Variants in TOR1AIP1 observed in about 807,000 individuals in gnomAD.
The protein encoded by TOR1AIP1 is torsin 1A interacting protein 1.
TOR1AIP1 carries 54 observed loss-of-function variants against 63.3 expected under a neutral mutation model. That is an observed-to-expected ratio of 0.85 (90% confidence interval 0.69 to 1.07). TOR1AIP1 has a LOEUF of 1.07. TOR1AIP1 is among the 50% of genes least tolerant of loss of function. TOR1AIP1 has a pLI of 0.00. For missense variants in TOR1AIP1, 736 were observed against 715.0 expected (o/e 1.03, Z -0.33); for synonymous variants, 294 against 273.5 (o/e 1.07, Z -0.74).
In TOR1AIP1 at chr1:179,889,482, C is replaced by T. The variant is rs762531559; in HGVS notation, c.610+113C>T. 3 of 848,544 alleles carry T rather than the reference C, an allele frequency of 3.5e-6. No homozygotes were observed. The East Asian group carries it at 8.3e-5, about 24-fold the overall frequency. 52.6% of individuals were successfully genotyped at this position (848,544 alleles called of 1,614,324 possible). A position where few individuals can be genotyped will look rare whatever the true frequency, so the allele number is the denominator to read the frequency against. On this transcript the variant is annotated intron_variant, in intron 3 of 9. Coordinates refer to ENST00000606911, the MANE Select transcript of TOR1AIP1 (RefSeq NM_015602.4). ...GAACTTAAAAGTTACTGTAAATATA[C>T]ATTAAAAAATCTCCCTGTCCCCTCT...
intron 5 of TOR1AIP1, among the ~76,000 whole-genome samples, chr1:179,902,583 CTG>C (rs1402029508): frequency 1.3e-5 from 2 of 152,094 alleles, no homozygotes; most frequent in East Asian, 3.9e-4. Flanking sequence ...ATTTGGTATT[CTG>C]TGTGTTTCCC....
chr1:179,911,816 G>A (rs1450447218), intron 8 of TOR1AIP1, among the ~76,000 whole-genome samples: 1 of 152,004 alleles, frequency 6.6e-6, no homozygotes, highest in Non-Finnish European at 1.5e-5. Flanking sequence ...ATTTTTTAAA[G>A]TCTAAAATCT....
At chr1:179,911,654 A>G (rs1571737172) in intron 8 of TOR1AIP1, among the ~76,000 whole-genome samples, 2 of 152,382 alleles carry the variant, frequency 1.3e-5, no homozygotes, top group Admixed American at 1.3e-4. Context: ...ATTTGGAGTT[A>G]AAGCTCTTGA....
intron 8 of TOR1AIP1, among the ~76,000 whole-genome samples, chr1:179,910,331 A>G (rs1025705544): frequency 9.2e-5 from 14 of 152,280 alleles, no homozygotes; most frequent in East Asian, 1.9e-4. Flanking sequence ...AAAAATCCAC[A>G]TCTTATATCT....
intron 5 of TOR1AIP1, 45 bp from the exon 6 acceptor site, chr1:179,903,921 T>A (rs766705919): frequency 1.4e-5 from 19 of 1,364,710 alleles, no homozygotes; most frequent in Non-Finnish European, 2.0e-5. Flanking sequence ...ATGTACAGTC[T>A]AAAAGTTGGA....
rs1335230349 is a variant in TOR1AIP1, at chr1:179,919,007, G to C, written c.*768G>C. 1.3e-5 allele frequency: 2 copies of C among 152,036 alleles called. No homozygotes were observed. The highest frequency in any genetic ancestry group is 2.9e-5 in the Non-Finnish European group (2 of 68,016). The allele number at this position is 152,036 out of a possible 1,614,324, so 9.4% of individuals were successfully genotyped here. A position where few individuals can be genotyped will look rare whatever the true frequency, so the allele number is the denominator to read the frequency against. ...CAAAATTTAATATATTTGTTCACTT[G>C]AGTCTTAAGAGTAGGTCAGGCCAAG... On this transcript the variant is annotated 3_prime_UTR_variant, in exon 10 of 10. Coordinates refer to ENST00000606911, the MANE Select transcript of TOR1AIP1 (RefSeq NM_015602.4).
intron 3 of TOR1AIP1, among the ~76,000 whole-genome samples, chr1:179,891,672 TCTC>T (rs1648086727): frequency 6.6e-6 from 1 of 152,062 alleles, no homozygotes; most frequent in Non-Finnish European, 1.5e-5. Flanking sequence ...TTCAAGTGAT[TCTC>T]CTGCCTCAGC....
At chr1:179,887,195 C>T (rs1012521314) in intron 2 of TOR1AIP1, among the ~76,000 whole-genome samples, 21 of 151,488 alleles carry the variant, frequency 1.4e-4, no homozygotes, top group Non-Finnish European at 3.0e-4. Context: ...GTCAGGAGTT[C>T]GAGACCAGCC....
chr1:179,888,375 A>G (rs1031636089), intron 2 of TOR1AIP1, among the ~76,000 whole-genome samples: 2 of 152,154 alleles, frequency 1.3e-5, no homozygotes, highest in African/African-American at 2.4e-5. Flanking sequence ...GACTCAAGCT[A>G]TCATCCTCCT....
At chr1:179,916,189 C>T (rs561528150) in intron 9 of TOR1AIP1, among the ~76,000 whole-genome samples, 109 of 152,308 alleles carry the variant, frequency 7.2e-4, no homozygotes, top group Non-Finnish European at 1.2e-3. Context: ...TACACTCGTA[C>T]AGTTTGGTGC....
chr1:179,896,058 C>T (rs566948015), intron 3 of TOR1AIP1, among the ~76,000 whole-genome samples: 2 of 152,298 alleles, frequency 1.3e-5, no homozygotes, highest in South Asian at 4.1e-4. Flanking sequence ...ACTGATTCAT[C>T]ATCAGATCGC....
intron 8 of TOR1AIP1, among the ~76,000 whole-genome samples, chr1:179,910,663 A>G (rs1189178369): frequency 3.3e-5 from 5 of 152,226 alleles, no homozygotes; most frequent in Non-Finnish European, 5.9e-5. Context: ...TATAACCAGG[A>G]TCAAACATTA....
chr1:179,887,929 G>A (rs1311197716), intron 2 of TOR1AIP1: 1 of 152,224 alleles, frequency 6.6e-6, no homozygotes, highest in African/African-American at 2.4e-5. Flanking sequence ...AACAAAAGCA[G>A]ACAAGTGAGG....
chr1:179,900,397 T>C (rs1237733526), intron 4 of TOR1AIP1: 6 of 300,728 alleles, frequency 2.0e-5, no homozygotes, highest in Middle Eastern at 1.0e-3. Context: ...TTGGCTTCAA[T>C]ATGGTGACCT....
rs1265158585 is a variant in TOR1AIP1, at chr1:179,919,147, C to G, written c.*908C>G. On this transcript the variant is annotated 3_prime_UTR_variant, in exon 10 of 10. Coordinates refer to ENST00000606911, the MANE Select transcript of TOR1AIP1 (RefSeq NM_015602.4). ...GGCGTGGTGGTGCATGCCTGAAATC[C>G]CAGCTACTTGGGAGGCTGAGGCAGG... 6.6e-6 allele frequency: 1 copy of G among 152,120 alleles called. No individual in the cohort carries two copies. The highest frequency in any genetic ancestry group is 1.5e-5 in the Non-Finnish European group (1 of 68,138). The allele number at this position is 152,120 out of a possible 1,614,324, so 9.4% of individuals were successfully genotyped here. A position where few individuals can be genotyped will look rare whatever the true frequency, so the allele number is the denominator to read the frequency against.
Position 179,882,567 on chromosome 1 carries a change from G to A in TOR1AIP1, c.65G>A (p.Arg22Lys), listed in dbSNP as rs963791878. ...GGATGGGGTGTGTACGTCACCCCCA[G>A]GGCCCCCATCCGAGAGGGAAGGGGC... is the stretch of plus-strand genomic sequence containing the variant. ...REGWGVYVTP[R>K]APIREGRGRL... Residue 22 changes from arginine to lysine, a missense_variant, in exon 1 of 10, where the codon AGG becomes AAG. Coordinates refer to ENST00000606911, the MANE Select transcript of TOR1AIP1 (RefSeq NM_015602.4). The A allele has an allele frequency of 1.1e-5, 16 of 1,514,156 alleles. No homozygotes were observed. The highest frequency in any genetic ancestry group is 1.3e-5 in the South Asian group (1 of 74,444). The allele number at this position is 1,514,156 out of a possible 1,614,324, so 93.8% of individuals were successfully genotyped here. A position where few individuals can be genotyped will look rare whatever the true frequency, so the allele number is the denominator to read the frequency against.
intron 5 of TOR1AIP1, among the ~76,000 whole-genome samples, chr1:179,902,148 C>T (rs552627323): frequency 2.6e-4 from 39 of 151,202 alleles, no homozygotes; most frequent in Non-Finnish European, 8.8e-5. Context: ...GCCTCAGCCC[C>T]CCAAGCAGGT....
At position 179,884,573 on chromosome 1, in the gene TOR1AIP1, C is replaced by G. The variant is rs139421214; in HGVS notation, c.476-119C>G. The G allele has an allele frequency of 3.8e-4, 306 of 794,972 alleles. 2 individuals are homozygous for G. Among genetic ancestry groups the G allele is most frequent in the African/African-American group, 2.6e-3 (144 of 56,200 alleles). 49.2% of individuals were successfully genotyped at this position (794,972 alleles called of 1,614,324 possible). On this transcript the variant is annotated intron_variant, in intron 1 of 9. Coordinates refer to ENST00000606911, the MANE Select transcript of TOR1AIP1 (RefSeq NM_015602.4). ...TTTTGGTAAACCTAACCACCTGTTT[C>G]TAAAGAAACGAATTTCTTGAATTTT... is the stretch of plus-strand genomic sequence containing the variant.
rs1235063002 is a variant in TOR1AIP1 at position 179,882,751 on chromosome 1, A to C, written c.249A>C (p.Lys83Asn). The C allele has an allele frequency of 2.5e-6, 4 of 1,613,990 alleles. No individual in the cohort carries two copies. In the Admixed American group the frequency reaches 6.7e-5, roughly 27 times the overall value. ...CCAAAGAAAGGTCCCCGGTGGGAAA[A>C]CGAACCCGGCTAGAAGAGTTCCGGT... is the stretch of plus-strand genomic sequence containing the variant. ...LVAKERSPVG[K>N]RTRLEEFRSD... Residue 83 changes from lysine to asparagine, a missense_variant, in exon 1 of 10, where the codon AAA (lysine) becomes AAC (asparagine). Around this residue, in one of 2 missense-constraint regions of TOR1AIP1, gnomAD observed 464 missense variants for 371.0 expected, o/e 1.25. Transcript: ENST00000606911.
Sources: gnomAD v4.1 joint callset for allele counts (sites outside exome capture counted in the v4.1 genomes callset) on GRCh38, gnomAD v4.1.1 for gene constraint, gnomAD v4.1.1 regional missense constraint, MANE v1.5 for transcripts, NCBI Gene and HGNC (gene_info 2026-07-23, HGNC 2026-07-21) for gene names.